PTPN3: variants seen among roughly 807,000 people sequenced by gnomAD.
PTPN3 encodes tyrosine-protein phosphatase non-receptor type 3.
A neutral mutation model predicts 132.7 loss-of-function variants in PTPN3; 96 were observed. The observed-to-expected ratio is 0.72, with a 90% CI of 0.61 to 0.86. The LOEUF (loss-of-function observed/expected upper bound fraction) is 0.86, where lower values mean the gene tolerates loss of function less well. Among genes scored for constraint, PTPN3 ranks in the 40% least tolerant of loss-of-function variants. The pLI is 0.00. For missense variants in PTPN3, 1,125 were observed against 1,159.6 expected, an observed-to-expected ratio of 0.97 and a Z score of 0.43; for synonymous variants, 398 against 429.0, an observed-to-expected ratio of 0.93 and a Z score of 0.89.
rs1841769973 is a variant in PTPN3 at position 109,408,621 on chromosome 9, C to T, written c.1579-244G>A. Among the ~76,000 whole-genome samples the T allele has an allele frequency of 2.6e-5, 4 of 151,794 alleles. No individual in the cohort carries two copies. In the South Asian group the frequency reaches 8.3e-4, roughly 32 times the overall value. ...ACCAGGACTCTGTTCAGAAGCCTCC[C>T]TCTGCCATCCCCACAGTCCATGAAC... is the stretch of plus-strand genomic sequence containing the variant. On this transcript the variant is annotated intron_variant, in intron 16 of 25. Coordinates refer to ENST00000374541, the MANE Select transcript of PTPN3 (RefSeq NM_002829.4).
intron 14 of PTPN3, among the ~76,000 whole-genome samples, chr9:109,412,405 C>T (rs1242296460): frequency 3.3e-5 from 5 of 150,300 alleles, no homozygotes; most frequent in African/African-American, 7.4e-5. Flanking sequence ...GTCAAAGTCT[C>T]GCTCTGTTGC....
chr9:109,523,862 C>A, the PTPN3 span, among the ~76,000 whole-genome samples: 1 of 106,222 alleles, frequency 9.4e-6, no homozygotes, highest in Non-Finnish European at 2.0e-5. Flanking sequence ...GAATGAGATT[C>A]TTTCCTTCCT....
intron 10 of PTPN3, among the ~76,000 whole-genome samples, chr9:109,431,694 G>A (rs560683245): frequency 1.2e-3 from 177 of 152,304 alleles, no homozygotes; most frequent in African/African-American, 4.0e-3. Context: ...ACTGAACAGC[G>A]TCTATTAAGT....
chr9:109,430,818 C>A (rs888188958), intron 10 of PTPN3, among the ~76,000 whole-genome samples: 2 of 152,242 alleles, frequency 1.3e-5, no homozygotes, highest in African/African-American at 4.8e-5. Context: ...TCCTGCTGCT[C>A]CTCATGCCCA....
At chr9:109,451,617 C>T (rs1208447777) in intron 5 of PTPN3, among the ~76,000 whole-genome samples, 1 of 152,226 alleles carries the variant, frequency 6.6e-6, no homozygotes, top group Non-Finnish European at 1.5e-5. Flanking sequence ...TCATGAATGC[C>T]CTACATTTCC....
chr9:109,439,968 C>T (rs1844335869), intron 7 of PTPN3, among the ~76,000 whole-genome samples: 2 of 151,968 alleles, frequency 1.3e-5, no homozygotes, highest in Admixed American at 1.3e-4. Flanking sequence ...GCCTTGTTCA[C>T]CTAACTGCCC....
chr9:109,447,858 T>A (rs1026833306), intron 6 of PTPN3, among the ~76,000 whole-genome samples: 3 of 152,162 alleles, frequency 2.0e-5, no homozygotes, highest in Non-Finnish European at 4.4e-5. Context: ...CTGCTAGATG[T>A]AAGATGCCCG....
intron 10 of PTPN3, among the ~76,000 whole-genome samples, chr9:109,429,964 C>A (rs2131889644): frequency 6.6e-6 from 1 of 152,288 alleles, no homozygotes. Context: ...CATGGGACAT[C>A]CCCCAGATGG....
At chr9:109,386,900 GGCT>G (rs972208182) in intron 22 of PTPN3, among the ~76,000 whole-genome samples, 4 of 152,296 alleles carry the variant, frequency 2.6e-5, no homozygotes, top group South Asian at 2.1e-4. Context: ...CCACTAAGGA[GGCT>G]GCTGCTGCTG....
At chr9:109,472,452 ATTT>A (rs1385756533) in intron 1 of PTPN3, among the ~76,000 whole-genome samples, 2 of 152,172 alleles carry the variant, frequency 1.3e-5, no homozygotes, top group Non-Finnish European at 2.9e-5. Flanking sequence ...TTTCACCATC[ATTT>A]TTATTTTTTT....
At chr9:109,403,557 GGGCTGGGTGTGGT>G (rs1841320358) in intron 19 of PTPN3, among the ~76,000 whole-genome samples, 1 of 152,122 alleles carries the variant, frequency 6.6e-6, no homozygotes, top group Non-Finnish European at 1.5e-5. Flanking sequence ...TTTGGGAGAT[GGGCTGGGTGTGGT>G]GGCTCACACC....
At chr9:109,392,144 A>C (rs1840177272) in intron 19 of PTPN3, among the ~76,000 whole-genome samples, 1 of 152,218 alleles carries the variant, frequency 6.6e-6, no homozygotes, top group Non-Finnish European at 1.5e-5. Flanking sequence ...TGTATTAGAC[A>C]TATTTGTATG....
intron 9 of PTPN3, among the ~76,000 whole-genome samples, chr9:109,434,167 A>G (rs1033093213): frequency 6.6e-6 from 1 of 152,186 alleles, no homozygotes; most frequent in African/African-American, 2.4e-5. Flanking sequence ...TCTGAGAGAC[A>G]GGGTCTTGCT....
intron 13 of PTPN3, 93 bp downstream of exon 13, chr9:109,422,625 A>C: frequency 1.4e-6 from 2 of 1,397,670 alleles, no homozygotes; most frequent in East Asian, 2.3e-5. Context: ...TAGGTCATCT[A>C]TCTTTAGGAG....
Position 109,433,161 on chromosome 9 carries a change from C to G in PTPN3, c.676G>C (p.Asp226His), listed in dbSNP as rs578110556. The change falls in exon 10 of 26, where the codon GAT becomes CAT. Residue 226 changes from aspartate (D) to histidine (H), a missense_variant and splice_region_variant. Coordinates refer to ENST00000374541, the MANE Select transcript of PTPN3 (RefSeq NM_002829.4). ...FYGVELHSGR[D>H]LHNLDLMIGI... ...ATCATTAGGTCTAAATTGTGCAGAT[C>G]CTGTAAAAAGGAAGATCTCAGATCC... 4.3e-6 allele frequency: 7 copies of G among 1,613,908 alleles called. No homozygotes were observed. Among genetic ancestry groups the G allele is most frequent in the South Asian group, 1.1e-5 (1 of 91,060 alleles).
chr9:109,498,589 G>A (rs555875734), upstream of PTPN3, among the ~76,000 whole-genome samples: 1 of 152,192 alleles, frequency 6.6e-6, no homozygotes, highest in Non-Finnish European at 1.5e-5. The surrounding 1 kb of genome is among the most constrained non-coding windows in gnomAD (Gnocchi z 4.2). Context: ...GCCTAGGGAA[G>A]GCAAGAAGTC....
intron 12 of PTPN3, among the ~76,000 whole-genome samples, chr9:109,425,028 T>A (rs1843140334): frequency 6.6e-6 from 1 of 152,222 alleles, no homozygotes; most frequent in Non-Finnish European, 1.5e-5. Flanking sequence ...CCTTCTCTCA[T>A]CTGGCCTGAG....
In PTPN3 at chr9:109,410,214, C is replaced by T; in HGVS notation, c.1500+15G>A. ...CCTGGGTGTGTGGATCACCCGGCTG[C>T]CTGCGCTCGCTCACCTTGTCACAGT... On this transcript the variant is annotated intron_variant, in intron 15 of 25. Coordinates refer to ENST00000374541, the MANE Select transcript of PTPN3 (RefSeq NM_002829.4). 5.0e-6 allele frequency: 8 copies of T among 1,612,254 alleles called. No individual in the cohort carries two copies. The Admixed American group carries it at 1.2e-4, about 24-fold the overall frequency.
At chr9:109,506,292 T>A in the PTPN3 span, among the ~76,000 whole-genome samples, 5 of 152,160 alleles carry the variant, frequency 3.3e-5, no homozygotes, top group African/African-American at 4.8e-5. Context: ...CTAAGAGCAG[T>A]GGACCTTAAA....
Sources: allele counts gnomAD v4.1 joint callset (sites outside exome capture counted in the v4.1 genomes callset), GRCh38; gene constraint gnomAD v4.1.1; non-coding constraint Gnocchi (gnomAD v3.1); transcripts MANE v1.5; gene names NCBI Gene and HGNC (gene_info 2026-07-23, HGNC 2026-07-21).